ARHGAP10: variants seen among roughly 807,000 people sequenced by gnomAD.
The protein encoded by ARHGAP10 is rho GTPase-activating protein 10.
In ARHGAP10, 87 loss-of-function variants were observed where a neutral mutation model predicts 108.6. That is an observed-to-expected ratio of 0.80 (90% CI 0.67 to 0.96). The LOEUF (loss-of-function observed/expected upper bound fraction) is 0.96, where lower values mean the gene tolerates loss of function less well. Ranked by LOEUF, ARHGAP10 falls within the 40% of genes least tolerant of loss-of-function variation. The pLI is 0.00. For synonymous variants in ARHGAP10, 347 were observed against 341.1 expected, an observed-to-expected ratio of 1.02 and a Z score of -0.19; for missense variants, 939 against 954.5, an observed-to-expected ratio of 0.98 and a Z score of 0.21.
At chr4:147,883,320 C>T (rs188675701) in intron 10 of ARHGAP10, among the ~76,000 whole-genome samples, 26 of 152,284 alleles carry the variant, frequency 1.7e-4, no homozygotes, top group African/African-American at 6.0e-4. Flanking sequence ...CCTTGGCCTC[C>T]CAAAGTCATA....
intron 18 of ARHGAP10, among the ~76,000 whole-genome samples, chr4:148,017,154 A>G (rs1172216518): frequency 6.6e-6 from 1 of 152,100 alleles, no homozygotes; most frequent in Admixed American, 6.5e-5. Context: ...ATCTAATGCT[A>G]ATGGACTGAA....
At chr4:148,022,592 A>C (rs1741609266) in intron 18 of ARHGAP10, among the ~76,000 whole-genome samples, 1 of 152,250 alleles carries the variant, frequency 6.6e-6, no homozygotes. Context: ...TTTGCTAAGC[A>C]AAGGAGCAGC....
intron 19 of ARHGAP10, among the ~76,000 whole-genome samples, chr4:148,040,814 T>TGG (rs548288482): frequency 0.015 from 2,219 of 151,600 alleles, 52 homozygotes; most frequent in African/African-American, 0.051. Flanking sequence ...AAAAAAGATT[T>TGG]GGGGGGGGTT....
At chr4:147,939,698 A>T in intron 13 of ARHGAP10, 127 bp from the exon 14 acceptor site, 1 of 828,158 alleles carries the variant, frequency 1.2e-6, no homozygotes, top group Non-Finnish European at 2.0e-6. Flanking sequence ...GATTTTTTCA[A>T]AGGTTATTTT....
Position 147,822,762 on chromosome 4 carries a change from C to G in ARHGAP10, c.190C>G (p.Leu64Val). 1 of 1,614,198 alleles carries G rather than the reference C, an allele frequency of 6.2e-7. No homozygotes were observed. The highest frequency in any genetic ancestry group is 8.5e-7 in the Non-Finnish European group (1 of 1,180,034). Residue 64 changes from leucine (L) to valine (V), a missense_variant, in exon 2 of 23, where the codon CTC becomes GTC. Transcript: ENST00000336498. The part of the protein sequence containing the change: ...SVAQRKFAHS[L>V]RDFKFEFIGD... ...GGCCCAGCGGAAGTTTGCTCATTCA[C>G]TCAGAGACTTTAAGTTTGAGTTTAT...
chr4:147,830,512 C>CTTTTTTTT lies in ARHGAP10; in HGVS notation c.312+7571_312+7578dup, dbSNP rs56946602. On this transcript the variant is annotated intron_variant, in intron 3 of 22. Transcript: ENST00000336498. ...TTTTAAATGGTCAAAACCACAATTC[C>CTTTTTTTT]TTTTTTTTTTTTTTTTTTTTTTTGA... is the stretch of plus-strand genomic sequence containing the variant. Among the ~76,000 whole-genome samples the CTTTTTTTT allele has an allele frequency of 2.4e-3, 248 of 102,178 alleles. 2 individuals carry two copies. Among genetic ancestry groups the CTTTTTTTT allele is most frequent in the African/African-American group, 5.4e-3 (132 of 24,630 alleles). The allele number at this position is 102,178 out of a possible 152,430, so 67.0% of individuals were successfully genotyped here.
intron 1 of ARHGAP10, among the ~76,000 whole-genome samples, chr4:147,759,752 T>A (rs1729519779): frequency 6.6e-6 from 1 of 152,178 alleles, no homozygotes; most frequent in African/African-American, 2.4e-5. Flanking sequence ...TAATTTAATT[T>A]GATTAATTTA....
chr4:147,949,721 A>C (rs1265620108), intron 15 of ARHGAP10, among the ~76,000 whole-genome samples: 1 of 152,226 alleles, frequency 6.6e-6, no homozygotes, highest in Non-Finnish European at 1.5e-5. Flanking sequence ...AGATAGCTTT[A>C]AATCCATTTT....
intron 1 of ARHGAP10, among the ~76,000 whole-genome samples, chr4:147,790,064 T>C (rs1294951902): frequency 6.7e-6 from 1 of 149,970 alleles, no homozygotes; most frequent in Non-Finnish European, 1.5e-5. Flanking sequence ...TACCACAGAC[T>C]GGGTGGCTCC....
chr4:147,911,456 G>A (rs969378625), intron 12 of ARHGAP10, among the ~76,000 whole-genome samples: 5 of 152,136 alleles, frequency 3.3e-5, no homozygotes, highest in Non-Finnish European at 7.4e-5. Context: ...TCCGCCTCCC[G>A]GGTTCACTCC....
At chr4:147,989,949 G>C (rs147804312) in intron 18 of ARHGAP10, among the ~76,000 whole-genome samples, 1 of 152,174 alleles carries the variant, frequency 6.6e-6, no homozygotes, top group African/African-American at 2.4e-5. Context: ...AATTACAAAA[G>C]TATTAATTTG....
chr4:147,944,694 C>T (rs1205513009), intron 14 of ARHGAP10, among the ~76,000 whole-genome samples: 2 of 152,108 alleles, frequency 1.3e-5, no homozygotes, highest in African/African-American at 2.4e-5. Context: ...CCTGAAACAA[C>T]GAGGTTTTTT....
At chr4:147,846,049 G>C (rs1038620927) in intron 3 of ARHGAP10, among the ~76,000 whole-genome samples, 2 of 152,146 alleles carry the variant, frequency 1.3e-5, no homozygotes, top group African/African-American at 4.8e-5. Context: ...TGTTGCCCCA[G>C]CTATTTTACA....
chr4:147,829,071 AG>A (rs1732841917), intron 3 of ARHGAP10, among the ~76,000 whole-genome samples: 4 of 128,820 alleles, frequency 3.1e-5, no homozygotes, highest in African/African-American at 1.2e-4. Context: ...TTTTTTTTTG[AG>A]ATGGAGTCTT....
chr4:148,025,739 A>T (rs1287260802), intron 19 of ARHGAP10, among the ~76,000 whole-genome samples: 3 of 152,046 alleles, frequency 2.0e-5, no homozygotes, highest in Non-Finnish European at 2.9e-5. Flanking sequence ...TTACGACTTA[A>T]TTTTTTTTAA....
At chr4:147,923,962 C>T (rs909894032) in intron 13 of ARHGAP10, among the ~76,000 whole-genome samples, 4 of 152,196 alleles carry the variant, frequency 2.6e-5, no homozygotes. Flanking sequence ...AAATTTACAG[C>T]AAGTAAACTA....
chr4:148,020,654 C>G (rs1205383444), intron 18 of ARHGAP10, among the ~76,000 whole-genome samples: 4 of 151,496 alleles, frequency 2.6e-5, no homozygotes, highest in African/African-American at 7.3e-5. Context: ...GCATAGTATT[C>G]TAATATATAT....
At chr4:148,009,258 T>C (rs985724695) in intron 18 of ARHGAP10, among the ~76,000 whole-genome samples, 1 of 151,846 alleles carries the variant, frequency 6.6e-6, no homozygotes, top group African/African-American at 2.4e-5. Flanking sequence ...CAGCCTCCCA[T>C]GTAGCTGGGA....
chr4:147,981,754 C>T (rs915612914), intron 18 of ARHGAP10, among the ~76,000 whole-genome samples: 31 of 152,162 alleles, frequency 2.0e-4, no homozygotes, highest in African/African-American at 7.2e-4. Flanking sequence ...GGTGCAAATA[C>T]ATTTAGAATA....
Sources: allele counts gnomAD v4.1 joint callset (sites outside exome capture counted in the v4.1 genomes callset), GRCh38; gene constraint gnomAD v4.1.1; transcripts MANE v1.5; gene names NCBI Gene and HGNC (gene_info 2026-07-23, HGNC 2026-07-21).